Variants in NCKAP5 observed in about 807,000 individuals in gnomAD.
NCKAP5 encodes the protein nck-associated protein 5.
A neutral mutation model predicts 167.0 loss-of-function variants in NCKAP5; 92 were observed. That is an observed-to-expected ratio of 0.55 (90% CI 0.47 to 0.66). The LOEUF is 0.66. Among genes scored for constraint, NCKAP5 ranks in the 30% least tolerant of loss-of-function variants. The pLI is 0.00. For missense variants in NCKAP5, 2,378 were observed against 2,315.0 expected (o/e 1.03, Z -0.56); for synonymous variants, 891 against 877.4 (o/e 1.02, Z -0.27).
chr2:133,528,131 CTAGAAAG>C (rs1313560609), intron 2 of NCKAP5, among the ~76,000 whole-genome samples: 1 of 151,894 alleles, frequency 6.6e-6, no homozygotes, highest in Non-Finnish European at 1.5e-5. Context: ...AAATGGATAG[CTAGAAAG>C]TAGAGTTAGG....
intron 11 of NCKAP5, among the ~76,000 whole-genome samples, chr2:132,804,410 G>A (rs1224517526): frequency 2.0e-5 from 3 of 151,350 alleles, no homozygotes; most frequent in Non-Finnish European, 3.0e-5. Context: ...AATTGCCCCC[G>A]CTGTTTTGTA....
chr2:133,169,000 C>A (rs1379111959), intron 5 of NCKAP5, among the ~76,000 whole-genome samples: 3 of 152,122 alleles, frequency 2.0e-5, no homozygotes, highest in Admixed American at 1.3e-4. Flanking sequence ...ACATGCTAGT[C>A]GTTCTCCATC....
chr2:133,084,806 T>C (rs1471845851), intron 6 of NCKAP5, among the ~76,000 whole-genome samples: 2 of 152,180 alleles, frequency 1.3e-5, no homozygotes, highest in Non-Finnish European at 2.9e-5. Context: ...CACTTAGGCA[T>C]ATGTTTACAT....
intron 8 of NCKAP5, among the ~76,000 whole-genome samples, chr2:132,942,318 T>A (rs1697360041): frequency 6.6e-6 from 1 of 152,156 alleles, no homozygotes; most frequent in African/African-American, 2.4e-5. Flanking sequence ...GTTAAAAAAA[T>A]TTATTGCTGG....
the NCKAP5 span, among the ~76,000 whole-genome samples, chr2:133,581,402 C>G: frequency 2.6e-5 from 4 of 152,136 alleles, no homozygotes; most frequent in African/African-American, 9.7e-5. Flanking sequence ...CACTGTTCTT[C>G]TTGGTGGAAT....
chr2:133,380,097 G>A (rs1686414032), intron 3 of NCKAP5, among the ~76,000 whole-genome samples: 1 of 152,072 alleles, frequency 6.6e-6, no homozygotes, highest in Non-Finnish European at 1.5e-5. Context: ...GAAATAAAAA[G>A]ATATTTATTT....
intron 5 of NCKAP5, among the ~76,000 whole-genome samples, chr2:133,174,715 T>TC (rs1553563118): frequency 6.1e-4 from 88 of 143,348 alleles, no homozygotes; most frequent in East Asian, 1.6e-3. Flanking sequence ...TTTTTTTTTT[T>TC]CTCCCCCCTG....
At chr2:132,833,512 T>G (rs574912894) in intron 11 of NCKAP5, among the ~76,000 whole-genome samples, 7 of 152,198 alleles carry the variant, frequency 4.6e-5, no homozygotes, top group Non-Finnish European at 8.8e-5. Flanking sequence ...GTTTAAGACT[T>G]TAATCCATCC....
chr2:133,445,646 T>C (rs1486043232), intron 3 of NCKAP5, among the ~76,000 whole-genome samples: 5 of 152,072 alleles, frequency 3.3e-5, no homozygotes, highest in Non-Finnish European at 7.4e-5. Flanking sequence ...TTGGAGTGAT[T>C]GGAGAGGGTA....
At chr2:133,160,112 G>T (rs1559207283) in intron 5 of NCKAP5, among the ~76,000 whole-genome samples, 1 of 152,088 alleles carries the variant, frequency 6.6e-6, no homozygotes, top group Non-Finnish European at 1.5e-5. Flanking sequence ...AACACAAACT[G>T]GGTGACATAG....
intron 3 of NCKAP5, among the ~76,000 whole-genome samples, chr2:133,343,861 T>G (rs529493996): frequency 1.8e-4 from 28 of 152,194 alleles, no homozygotes; most frequent in African/African-American, 6.5e-4. Context: ...TTTGCCATAG[T>G]GTAAGTGCAC....
chr2:133,285,735 C>T (rs1337933545), intron 4 of NCKAP5, among the ~76,000 whole-genome samples: 1 of 152,218 alleles, frequency 6.6e-6, no homozygotes, highest in African/African-American at 2.4e-5. Flanking sequence ...ACTCAGTCTA[C>T]AGCAGGACAC....
chr2:133,012,887 G>A (rs930611733), intron 6 of NCKAP5, among the ~76,000 whole-genome samples: 1 of 152,046 alleles, frequency 6.6e-6, no homozygotes, highest in Non-Finnish European at 1.5e-5. Context: ...TACTCAACAT[G>A]GGCCCCACCA....
chr2:133,128,584 A>ATC (rs549539709), intron 6 of NCKAP5, among the ~76,000 whole-genome samples: 10 of 149,844 alleles, frequency 6.7e-5, no homozygotes, highest in Non-Finnish European at 1.0e-4. Context: ...GATTCTAGTG[A>ATC]TCTCTCTCTC....
At chr2:133,665,178 T>C in the NCKAP5 span, among the ~76,000 whole-genome samples, 1 of 152,236 alleles carries the variant, frequency 6.6e-6, no homozygotes, top group Admixed American at 6.5e-5. Context: ...TTTAATTTTC[T>C]TCAAGAACAT....
chr2:133,574,848 G>T, the NCKAP5 span, among the ~76,000 whole-genome samples: 2 of 152,088 alleles, frequency 1.3e-5, no homozygotes, highest in Non-Finnish European at 2.9e-5. Flanking sequence ...GCAGAAATTG[G>T]GTAGGGGCAG....
intron 8 of NCKAP5, among the ~76,000 whole-genome samples, chr2:132,882,575 A>G (rs1221285263): frequency 6.6e-6 from 1 of 152,202 alleles, no homozygotes; most frequent in East Asian, 1.9e-4. Flanking sequence ...AAAAGTATAA[A>G]GTAAAAATAC....
chr2:133,339,972 T>A (rs1420170185), intron 3 of NCKAP5, among the ~76,000 whole-genome samples: 1 of 152,204 alleles, frequency 6.6e-6, no homozygotes, highest in Non-Finnish European at 1.5e-5. Flanking sequence ...ATGGGCATTG[T>A]TAAGAGTCAC....
intron 8 of NCKAP5, among the ~76,000 whole-genome samples, chr2:132,942,140 T>C (rs1201551117): frequency 6.6e-6 from 1 of 152,252 alleles, no homozygotes; most frequent in Non-Finnish European, 1.5e-5. Context: ...CATATCTTAA[T>C]TGACAGAGCA....
Sources: allele counts gnomAD v4.1 joint callset (sites outside exome capture counted in the v4.1 genomes callset), GRCh38; gene constraint gnomAD v4.1.1; transcripts MANE v1.5; gene names NCBI Gene and HGNC (gene_info 2026-07-23, HGNC 2026-07-21).